UBASH3A: variants seen among roughly 807,000 people sequenced by gnomAD.
The protein encoded by UBASH3A is ubiquitin associated and SH3 domain containing A.
A neutral mutation model predicts 73.5 loss-of-function variants in UBASH3A; 63 were observed. The observed-to-expected ratio is 0.86, with a 90% confidence interval of 0.70 to 1.06. The LOEUF is 1.06. Among genes scored for constraint, UBASH3A ranks in the 50% least tolerant of loss-of-function variants. UBASH3A has a pLI of 0.00. For missense variants in UBASH3A, 860 were observed against 859.0 expected, an observed-to-expected ratio of 1.00 and a Z score of -0.02; for synonymous variants, 363 against 351.1, an observed-to-expected ratio of 1.03 and a Z score of -0.38.
Position 42,413,878 on chromosome 21 carries a change from C to A in UBASH3A, c.667+355C>A, listed in dbSNP as rs74552256. Reference sequence around the variant, plus strand: ...TCAAAATTCCCTTCTCTCCAAACACCAGCCCTGGCCTGGAGACCAAGGCTA... The same window carrying A: ...TCAAAATTCCCTTCTCTCCAAACACAAGCCCTGGCCTGGAGACCAAGGCTA... On this transcript the variant is annotated intron_variant, in intron 5 of 14. Transcript: ENST00000319294. The surrounding 1 kb of genome is among the most constrained non-coding windows in gnomAD (Gnocchi z 4.5). Among the ~76,000 whole-genome samples, 1 of 152,190 alleles carries A rather than the reference C, an allele frequency of 6.6e-6. No individual in the cohort carries two copies. Among genetic ancestry groups the A allele is most frequent in the African/African-American group, 2.4e-5 (1 of 41,438 alleles).
rs1371848419 is a variant in UBASH3A at position 42,409,309 on chromosome 21, C to T, written c.168-113C>T. 7 of 1,077,084 alleles carry T rather than the reference C, an allele frequency of 6.5e-6. No individual in the cohort carries two copies. The East Asian group carries it at 1.7e-4, about 26-fold the overall frequency. 66.7% of individuals were successfully genotyped at this position (1,077,084 alleles called of 1,614,324 possible). On this transcript the variant is annotated intron_variant, in intron 2 of 14. Coordinates refer to ENST00000319294, the MANE Select transcript of UBASH3A (RefSeq NM_018961.4). ...ATGTCATGAGCATATATGATGTCTT[C>T]AGTGTGCCCTATAATTCTGCATTGC...
At chr21:42,438,786 G>A (rs2053674553) in intron 11 of UBASH3A, among the ~76,000 whole-genome samples, 1 of 152,132 alleles carries the variant, frequency 6.6e-6, no homozygotes, top group African/African-American at 2.4e-5. Flanking sequence ...CTGCACCATG[G>A]CGGGGCTGCA....
intron 11 of UBASH3A, among the ~76,000 whole-genome samples, chr21:42,439,022 T>A (rs1470481425): frequency 6.6e-6 from 1 of 152,074 alleles, no homozygotes; most frequent in Non-Finnish European, 1.5e-5. Context: ...AATGCACACA[T>A]GTGCATTGCC....
At chr21:42,420,926 G>A (rs1354859174) in intron 7 of UBASH3A, among the ~76,000 whole-genome samples, 2 of 152,222 alleles carry the variant, frequency 1.3e-5, no homozygotes, top group African/African-American at 4.8e-5. Flanking sequence ...TAGCTAGGAA[G>A]GCTGTGTGTG....
rs919055124 is a variant in UBASH3A at position 42,413,912 on chromosome 21, G to T, written c.667+389G>T. On this transcript the variant is annotated intron_variant, in intron 5 of 14. Transcript: ENST00000319294. The surrounding 1 kb of genome is among the most constrained non-coding windows in gnomAD (Gnocchi z 4.5). ...CCTGGAGACCAAGGCTACCATTGGGGTTTAGTGGAAAGGATTGTGGACTTG... is the reference window on the plus strand; with the variant it reads ...CCTGGAGACCAAGGCTACCATTGGGTTTTAGTGGAAAGGATTGTGGACTTG... Among the ~76,000 whole-genome samples the T allele has an allele frequency of 6.6e-6, 1 of 152,228 alleles. No individual in the cohort carries two copies. The highest frequency in any genetic ancestry group is 2.4e-5 in the African/African-American group (1 of 41,444).
At chr21:42,410,550 C>T (rs2053070227) in intron 3 of UBASH3A, 3 of 327,888 alleles carry the variant, frequency 9.1e-6, no homozygotes, top group Admixed American at 4.8e-5. Flanking sequence ...TTGCCCGAGA[C>T]TTGCAGGGAT....
Position 42,426,932 on chromosome 21 carries a change from C to A in UBASH3A, c.1170+112C>A. 3 of 1,356,868 alleles carry A rather than the reference C, an allele frequency of 2.2e-6. No individual in the cohort carries two copies. The South Asian group carries it at 4.0e-5, about 18-fold the overall frequency. 84.1% of individuals were successfully genotyped at this position (1,356,868 alleles called of 1,614,324 possible). ...TGTAGCTTTTGTTCCATAGACACAT[C>A]CTCCCTGCCCTAGAGCGTGGTCAGC... On this transcript the variant is annotated intron_variant, in intron 8 of 14. Coordinates refer to ENST00000319294, the MANE Select transcript of UBASH3A (RefSeq NM_018961.4).
chr21:42,433,512 C>T (rs1311623214), intron 9 of UBASH3A, among the ~76,000 whole-genome samples: 5 of 152,184 alleles, frequency 3.3e-5, no homozygotes, highest in East Asian at 1.9e-4. Context: ...CTGAGCTCTG[C>T]CCTCTGCCCC....
At chr21:42,432,320 C>A in intron 9 of UBASH3A, 118 bp downstream of exon 9, 2 of 670,896 alleles carry the variant, frequency 3.0e-6, no homozygotes, top group Non-Finnish European at 5.2e-6. Flanking sequence ...TGTAGAATGA[C>A]CATGTGTAGA....
Position 42,440,155 on chromosome 21 carries a change from G to A in UBASH3A, c.1487-2297G>A, listed in dbSNP as rs768834298. Among the ~76,000 whole-genome samples the A allele has an allele frequency of 1.6e-4, 25 of 152,310 alleles. 1 individual carries two copies. The highest frequency in any genetic ancestry group is 3.1e-4 in the Non-Finnish European group (21 of 68,020). On this transcript the variant is annotated intron_variant, in intron 11 of 14. Transcript: ENST00000319294. Reference sequence around the variant, plus strand: ...CAGGTGACAGGGTCCCGCGATGTCCGCCTCTCCCTGTTCCCATGCTCACAG... The same window carrying A: ...CAGGTGACAGGGTCCCGCGATGTCCACCTCTCCCTGTTCCCATGCTCACAG...
intron 7 of UBASH3A, among the ~76,000 whole-genome samples, chr21:42,419,751 G>C (rs577319710): frequency 6.6e-6 from 1 of 152,184 alleles, no homozygotes; most frequent in Non-Finnish European, 1.5e-5. Flanking sequence ...AAAGTGATAT[G>C]GGTTCAATAG....
chr21:42,416,862 G>A (rs1440044086), intron 6 of UBASH3A, among the ~76,000 whole-genome samples: 1 of 152,132 alleles, frequency 6.6e-6, no homozygotes, highest in African/African-American at 2.4e-5. Context: ...GAACCCGGGA[G>A]GCGGAGCTTG....
intron 11 of UBASH3A, among the ~76,000 whole-genome samples, chr21:42,438,578 G>T (rs1034914358): frequency 2.6e-5 from 4 of 152,166 alleles, no homozygotes; most frequent in Non-Finnish European, 4.4e-5. Context: ...GTAAGGGCAG[G>T]GTTGAGCTGT....
chr21:42,406,301 T>C lies in UBASH3A; in HGVS notation c.114-7T>C. 6.2e-7 allele frequency: 1 copy of C among 1,613,854 alleles called. No homozygotes were observed. The highest frequency in any genetic ancestry group is 8.5e-7 in the Non-Finnish European group (1 of 1,179,714). ...GTGACTTTGTGTCTGTGTCTGCTCT[T>C]CTGCAGGCTGAAAGCGTTGGCAGCC... On this transcript the variant is annotated splice_polypyrimidine_tract_variant and splice_region_variant and intron_variant, in intron 1 of 14. Transcript: ENST00000319294.
At chr21:42,430,101 G>A (rs1009144900) in intron 8 of UBASH3A, among the ~76,000 whole-genome samples, 2 of 152,158 alleles carry the variant, frequency 1.3e-5, no homozygotes, top group Non-Finnish European at 2.9e-5. Context: ...TTTCAAGGCA[G>A]GTGAAATTGG....
intron 6 of UBASH3A, among the ~76,000 whole-genome samples, chr21:42,417,875 T>C (rs1568918033): frequency 1.0e-3 from 139 of 132,596 alleles, no homozygotes; most frequent in African/African-American, 4.1e-3. Context: ...TTTTTCTTTT[T>C]TTCTTTTTTT....
chr21:42,447,529 AAG>A lies in UBASH3A; in HGVS notation c.*336_*337del. 1 of 222,872 alleles carries A rather than the reference AAG, an allele frequency of 4.5e-6. No individual in the cohort carries two copies. The highest frequency in any genetic ancestry group is 8.7e-6 in the Non-Finnish European group (1 of 114,316). The allele number at this position is 222,872 out of a possible 1,614,324, so 13.8% of individuals were successfully genotyped here. Reference sequence around the variant, plus strand: ...AGGAATTAAAGACTCACCACACACGAAGGATCTAACCACTTCATTTTCCATGG... The same window carrying A: ...AGGAATTAAAGACTCACCACACACGAGATCTAACCACTTCATTTTCCATGG... On this transcript the variant is annotated 3_prime_UTR_variant, in exon 15 of 15. Transcript: ENST00000319294.
rs1315639001 is a variant in UBASH3A, at chr21:42,432,189, C to T, written c.1257C>T (p.Cys419=). 3.1e-6 allele frequency: 5 copies of T among 1,612,212 alleles called. No homozygotes were observed. Among genetic ancestry groups the T allele is most frequent in the Non-Finnish European group, 4.2e-6 (5 of 1,178,660 alleles). The change falls in exon 9 of 15, where the codon TGC becomes TGT. Residue 419 remains cysteine (C), a synonymous_variant. Coordinates refer to ENST00000319294, the MANE Select transcript of UBASH3A (RefSeq NM_018961.4). ...TCGGGAAGGCATGGCTGCAGCAATG[C>T]TCCACTCCTGATGGTAGGTCACACT... ...QIFGKAWLQQ[C]STPDGKYYRP...
intron 8 of UBASH3A, among the ~76,000 whole-genome samples, chr21:42,429,841 C>T (rs185699365): frequency 2.0e-5 from 3 of 152,002 alleles, no homozygotes; most frequent in South Asian, 2.1e-4. Context: ...TTGGCCTTAC[C>T]GTATATCCGT....
Sources: allele counts gnomAD v4.1 joint callset (sites outside exome capture counted in the v4.1 genomes callset), GRCh38; gene constraint gnomAD v4.1.1; non-coding constraint Gnocchi (gnomAD v3.1); transcripts MANE v1.5; gene names NCBI Gene and HGNC (gene_info 2026-07-23, HGNC 2026-07-21).